The following ADARB2 variants were observed in gnomAD, a reference collection of about 807,000 sequenced individuals.
ADARB2 encodes the protein inactive double-stranded RNA-specific editase B2.
ADARB2 carries 25 observed loss-of-function variants against 62.2 expected under a neutral mutation model. The observed-to-expected ratio is 0.40, with a 90% confidence interval of 0.29 to 0.56. The LOEUF is 0.56. ADARB2 is among the 20% of genes least tolerant of loss of function. The pLI is 0.43. For missense variants in ADARB2, 1,071 were observed against 1,077.4 expected (o/e 0.99, Z 0.08); for synonymous variants, 572 against 500.8 (o/e 1.14, Z -1.90).
chr10:1,583,441 G>A (rs1451330901), intron 1 of ADARB2, among the ~76,000 whole-genome samples: 2 of 152,124 alleles, frequency 1.3e-5, no homozygotes, highest in African/African-American at 4.8e-5. Flanking sequence ...AAGTGATGCA[G>A]GCCTAAAGGA....
intron 7 of ADARB2, 109 bp downstream of exon 7, chr10:1,216,842 A>G: frequency 7.2e-7 from 1 of 1,391,758 alleles, no homozygotes; most frequent in Non-Finnish European, 9.7e-7. Context: ...CCCTGACCGC[A>G]TGTGCCCAGC....
At chr10:1,707,853 G>A (rs1421640358) in intron 1 of ADARB2, among the ~76,000 whole-genome samples, 1 of 152,206 alleles carries the variant, frequency 6.6e-6, no homozygotes, top group African/African-American at 2.4e-5. Context: ...TGCTTGTTGG[G>A]GGACCAGCCC....
chr10:1,459,914 A>C (rs995472359), intron 1 of ADARB2, among the ~76,000 whole-genome samples: 6 of 144,890 alleles, frequency 4.1e-5, no homozygotes, highest in African/African-American at 1.3e-4. Flanking sequence ...CTGTGCAGCA[A>C]ACCTGCCTGT....
chr10:1,297,898 T>G (rs2131815452), intron 3 of ADARB2, among the ~76,000 whole-genome samples: 1 of 152,280 alleles, frequency 6.6e-6, no homozygotes, highest in Admixed American at 6.5e-5. Context: ...GTGGGACAGA[T>G]GCCCCTTAGA....
At chr10:1,710,806 C>A (rs1472704500) in intron 1 of ADARB2, among the ~76,000 whole-genome samples, 2 of 152,102 alleles carry the variant, frequency 1.3e-5, no homozygotes, top group African/African-American at 4.8e-5. Context: ...AGAAAGACCA[C>A]CCTGGGGCTT....
chr10:1,644,713 G>A (rs1235509674), intron 1 of ADARB2, among the ~76,000 whole-genome samples: 1 of 152,266 alleles, frequency 6.6e-6, no homozygotes, highest in African/African-American at 2.4e-5. Flanking sequence ...TCCTGCTGCT[G>A]ATGCCTCTCA....
rs900977943 is a variant in ADARB2 at position 1,178,176 on chromosome 10, C to T, written c.*5017G>A. ...GGGGGGATGGTGCCTGAGACCTCCT[C>T]CTGGGTGGGGGCCACGGCAGCAGAA... On this transcript the variant is annotated 3_prime_UTR_variant, in exon 10 of 10. Coordinates refer to ENST00000381312, the MANE Select transcript of ADARB2 (RefSeq NM_018702.4). 6.6e-6 allele frequency: 1 copy of T among 152,356 alleles called. No homozygotes were observed. Among genetic ancestry groups the T allele is most frequent in the Non-Finnish European group, 1.5e-5 (1 of 68,284 alleles). 9.4% of individuals were successfully genotyped at this position (152,356 alleles called of 1,614,324 possible). A position where few individuals can be genotyped will look rare whatever the true frequency, so the allele number is the denominator to read the frequency against.
chr10:1,548,652 C>T (rs189325177), intron 1 of ADARB2, among the ~76,000 whole-genome samples: 8 of 152,232 alleles, frequency 5.3e-5, no homozygotes, highest in African/African-American at 7.2e-5. Context: ...TGTGAATTGC[C>T]GTCCAGTAAG....
chr10:1,677,585 T>A (rs1834482808), intron 1 of ADARB2, among the ~76,000 whole-genome samples: 1 of 152,158 alleles, frequency 6.6e-6, no homozygotes, highest in African/African-American at 2.4e-5. Context: ...TCCTGCCAGG[T>A]GGAGCTCCTC....
Position 1,181,449 on chromosome 10 carries a change from A to C in ADARB2, c.*1744T>G, listed in dbSNP as rs1027289137. The C allele has an allele frequency of 6.6e-6, 1 of 152,224 alleles. No homozygotes were observed. The highest frequency in any genetic ancestry group is 1.5e-5 in the Non-Finnish European group (1 of 68,042). The allele number at this position is 152,224 out of a possible 1,614,324, so 9.4% of individuals were successfully genotyped here. On this transcript the variant is annotated 3_prime_UTR_variant, in exon 10 of 10. Transcript: ENST00000381312. ...TCGTATCTTTTGAAACTTTATCTGG[A>C]AGAAGTTGTCTACTCCAGTACCTGT...
intron 3 of ADARB2, among the ~76,000 whole-genome samples, chr10:1,323,662 AG>A (rs1434280876): frequency 2.6e-5 from 4 of 152,208 alleles, no homozygotes; most frequent in African/African-American, 7.2e-5. Context: ...AACCCAGTAA[AG>A]GTACAAAGGT....
At chr10:1,485,488 G>A (rs964680934) in intron 1 of ADARB2, among the ~76,000 whole-genome samples, 1 of 152,178 alleles carries the variant, frequency 6.6e-6, no homozygotes, top group Non-Finnish European at 1.5e-5. Flanking sequence ...ACGCAGCTCC[G>A]CACGCAGCCT....
intron 1 of ADARB2, among the ~76,000 whole-genome samples, chr10:1,703,367 C>T (rs549484512): frequency 1.3e-5 from 2 of 152,112 alleles, no homozygotes; most frequent in Admixed American, 1.3e-4. Context: ...AGTGGAGCTC[C>T]ACCCCGAGGC....
intron 6 of ADARB2, among the ~76,000 whole-genome samples, chr10:1,225,280 T>G (rs1357830738): frequency 6.6e-6 from 1 of 152,148 alleles, no homozygotes; most frequent in African/African-American, 2.4e-5. Context: ...TAGATCTTCC[T>G]CCATCCCTTT....
chr10:1,736,659 G>C (rs1172082488), intron 1 of ADARB2, among the ~76,000 whole-genome samples: 1 of 152,174 alleles, frequency 6.6e-6, no homozygotes, highest in African/African-American at 2.4e-5. Flanking sequence ...GCGAGGGCTC[G>C]TTCCCCCGTT....
intron 1 of ADARB2, among the ~76,000 whole-genome samples, chr10:1,583,839 T>A (rs999091009): frequency 6.6e-6 from 1 of 152,092 alleles, no homozygotes; most frequent in African/African-American, 2.4e-5. Context: ...TGGAACAGAA[T>A]AGAGAACCCA....
At chr10:1,287,071 T>C (rs1468557959) in intron 3 of ADARB2, among the ~76,000 whole-genome samples, 3 of 152,148 alleles carry the variant, frequency 2.0e-5, no homozygotes, top group African/African-American at 7.2e-5. Flanking sequence ...AGGAGGCGTA[T>C]GTTGGGGTGA....
rs146502445 is a variant in ADARB2 at position 1,377,217 on chromosome 10, C to T, written c.187+1857G>A. 7.4e-3 allele frequency among the ~76,000 whole-genome samples: 775 copies of T among 105,430 alleles called. 6 individuals are homozygous for T. The highest frequency in any genetic ancestry group is 0.012 in the Non-Finnish European group (667 of 53,500). The allele number at this position is 105,430 out of a possible 152,430, so 69.2% of individuals were successfully genotyped here. ...CTCCTGGGGTGTGTGCGTTTGTGTG[C>T]GCCCCTGGGGTGTGTTTGTGTGCGC... On this transcript the variant is annotated intron_variant, in intron 2 of 9. Transcript: ENST00000381312.
chr10:1,728,746 A>T (rs1835196780), intron 1 of ADARB2, among the ~76,000 whole-genome samples: 1 of 152,248 alleles, frequency 6.6e-6, no homozygotes, highest in Non-Finnish European at 1.5e-5. Flanking sequence ...CCTGCAGGTC[A>T]GTCAGTGCTG....
Sources: allele counts gnomAD v4.1 joint callset (sites outside exome capture counted in the v4.1 genomes callset), GRCh38; gene constraint gnomAD v4.1.1; transcripts MANE v1.5; gene names NCBI Gene and HGNC (gene_info 2026-07-23, HGNC 2026-07-21).